DBNDD1: variants seen among roughly 807,000 people sequenced by gnomAD.
The protein encoded by DBNDD1 is dysbindin domain-containing protein 1.
A neutral mutation model predicts 17.0 loss-of-function variants in DBNDD1; 14 were observed. The ratio of observed to expected loss-of-function variants is 0.82; its 90% CI spans 0.54 to 1.29. DBNDD1 has a LOEUF of 1.29. DBNDD1 is among the 50% of genes most tolerant of loss of function. DBNDD1 has a pLI of 0.00. For missense variants in DBNDD1, 221 were observed against 216.2 expected, an observed-to-expected ratio of 1.02 and a Z score of -0.14; for synonymous variants, 105 against 102.0, an observed-to-expected ratio of 1.03 and a Z score of -0.18.
At chr16:90,010,354 C>A in intron 1 of DBNDD1, 5 of 169,102 alleles carry the variant, frequency 3.0e-5, no homozygotes, top group East Asian at 1.7e-4. Flanking sequence ...TTTTTTTTCA[C>A]AAACGTAACT....
In DBNDD1 at chr16:90,019,266, G is replaced by A. The variant is rs2035720739; in HGVS notation, c.31+45C>T. 9.0e-7 allele frequency: 1 copy of A among 1,115,420 alleles called. No individual in the cohort carries two copies. Among genetic ancestry groups the A allele is most frequent in the Non-Finnish European group, 1.1e-6 (1 of 884,766 alleles). The allele number at this position is 1,115,420 out of a possible 1,614,324, so 69.1% of individuals were successfully genotyped here. On this transcript the variant is annotated intron_variant, in intron 1 of 3. Coordinates refer to ENST00000002501, the MANE Select transcript of DBNDD1 (RefSeq NM_001042610.3). This position sits in a 1 kb window ranked among gnomAD's most constrained non-coding sequence, Gnocchi z 6.1. ...GGGGGGAGGGGCTGCGGCTCGCTGC[G>A]GGGAAGCGCTGCGCGGGGGTCTCGG... is the stretch of plus-strand genomic sequence containing the variant.
chr16:90,010,002 A>C (rs774676455), intron 1 of DBNDD1: 1 of 1,614,218 alleles, frequency 6.2e-7, no homozygotes, highest in Admixed American at 1.7e-5. Context: ...CTTAGCCACC[A>C]ACCATGCCTC....
In DBNDD1 at chr16:90,009,291, C is replaced by T; in HGVS notation, c.171G>A (p.Glu57=). The change falls in exon 2 of 4, where the codon GAG becomes GAA. Residue 57 remains glutamate (E), a synonymous_variant. Coordinates refer to ENST00000002501, the MANE Select transcript of DBNDD1 (RefSeq NM_001042610.3). The part of the protein sequence containing the change: ...VPAPGLLQVT[E]RRQPLSSVSS... ...GCAGGGAGCAGTACTTACGCCTCCTCTCCGTGACCTGCAGGAGCCCCGGTG... is the reference window on the plus strand; with the variant it reads ...GCAGGGAGCAGTACTTACGCCTCCTTTCCGTGACCTGCAGGAGCCCCGGTG... 2 of 1,613,402 alleles carry T rather than the reference C, an allele frequency of 1.2e-6. No individual in the cohort carries two copies. The highest frequency in any genetic ancestry group is 4.5e-5 in the East Asian group (2 of 44,884).
intron 1 of DBNDD1, among the ~76,000 whole-genome samples, chr16:90,018,791 C>A (rs2035700302): frequency 6.6e-6 from 1 of 152,318 alleles, no homozygotes; most frequent in Admixed American, 6.5e-5. Flanking sequence ...CCCCGGCAGG[C>A]CGCGCCCGTG....
rs750832259 is a variant in DBNDD1, at chr16:90,006,501, A to G, written c.320-9T>C. 11 of 1,594,774 alleles carry G rather than the reference A, an allele frequency of 6.9e-6. No individual in the cohort carries two copies. Among genetic ancestry groups the G allele is most frequent in the Non-Finnish European group, 9.3e-6 (11 of 1,177,550 alleles). On this transcript the variant is annotated splice_polypyrimidine_tract_variant and intron_variant, in intron 3 of 3. Coordinates refer to ENST00000002501, the MANE Select transcript of DBNDD1 (RefSeq NM_001042610.3). ...GGGCAGCGGGTGCAGACCTAGGGGC[A>G]TGCGGGAAGGGGAACTCGGTGTGGC...
In DBNDD1 at chr16:90,008,910, C is replaced by A; in HGVS notation, c.193G>T (p.Val65Phe). ...TCGAAGTGGACCTCCAGAGAGGAGA[C>A]GCTGCTCAGAGGCTCTGAGGGCAGA... is the stretch of plus-strand genomic sequence containing the variant. ...VTERRQPLSS[V>F]SSLEVHFDLL... The change falls in exon 3 of 4, where the codon GTC becomes TTC. Residue 65 changes from valine (V) to phenylalanine (F), a missense_variant. Physicochemically the swap from Val to Phe is conservative, Grantham distance 50 (BLOSUM62 -1). Coordinates refer to ENST00000002501, the MANE Select transcript of DBNDD1 (RefSeq NM_001042610.3). 1 of 1,571,174 alleles carries A rather than the reference C, an allele frequency of 6.4e-7. No individual in the cohort carries two copies. The highest frequency in any genetic ancestry group is 1.1e-5 in the South Asian group (1 of 87,116).
At chr16:90,017,592 G>A (rs1259717879) in intron 1 of DBNDD1, among the ~76,000 whole-genome samples, 1 of 152,260 alleles carries the variant, frequency 6.6e-6, no homozygotes, top group Admixed American at 6.5e-5. Context: ...AAGGGAGGTT[G>A]GTGGTAGTCT....
intron 1 of DBNDD1, among the ~76,000 whole-genome samples, chr16:90,015,250 C>T (rs529992873): frequency 6.6e-5 from 10 of 152,172 alleles, no homozygotes; most frequent in South Asian, 6.2e-4. Context: ...CATCAGGACA[C>T]GAATTTTTTG....
At chr16:90,009,863 G>T in intron 1 of DBNDD1, 1 of 1,226,108 alleles carries the variant, frequency 8.2e-7, no homozygotes, top group Non-Finnish European at 1.2e-6. Context: ...AACCAGAACA[G>T]CCCCTCTCCA....
At chr16:90,009,045 C>T in intron 2 of DBNDD1, 121 bp from the exon 3 acceptor site, 1 of 1,342,702 alleles carries the variant, frequency 7.4e-7, no homozygotes, top group Non-Finnish European at 9.9e-7. Flanking sequence ...CCACAGCTTC[C>T]TGCAAAGCCC....
At chr16:90,006,630 C>T in intron 3 of DBNDD1, 138 bp from the exon 4 acceptor site, 1 of 1,139,636 alleles carries the variant, frequency 8.8e-7, no homozygotes, top group Non-Finnish European at 1.2e-6. Context: ...ATGCACACAT[C>T]TACCTCTAAC....
chr16:90,006,090 G>T lies in DBNDD1; in HGVS notation c.*245C>A. The T allele has an allele frequency of 2.0e-6, 1 of 506,078 alleles. No individual in the cohort carries two copies. Among genetic ancestry groups the T allele is most frequent in the Admixed American group, 3.2e-5 (1 of 31,698 alleles). 31.3% of individuals were successfully genotyped at this position (506,078 alleles called of 1,614,324 possible). A position where few individuals can be genotyped will look rare whatever the true frequency, so the allele number is the denominator to read the frequency against. On this transcript the variant is annotated 3_prime_UTR_variant, in exon 4 of 4. Coordinates refer to ENST00000002501, the MANE Select transcript of DBNDD1 (RefSeq NM_001042610.3). The stretch of plus-strand genomic sequence containing the variant: ...GGCTGTGCTTGTGCTGGGGCTCCCA[G>T]AGGCATCCGGGGGCCCCGTGTGTCC...
chr16:90,019,551 C>T (rs934386232), upstream of DBNDD1: 16 of 163,392 alleles, frequency 9.8e-5, no homozygotes, highest in Non-Finnish European at 2.1e-4. This position sits in a 1 kb window ranked among gnomAD's most constrained non-coding sequence, Gnocchi z 6.1. Flanking sequence ...GCCCCCCCAG[C>T]CGCAGGACAG....
chr16:90,010,246 A>G (rs1444101105), intron 1 of DBNDD1: 2 of 497,860 alleles, frequency 4.0e-6, no homozygotes, highest in East Asian at 3.9e-5. Context: ...GGGTTTCACC[A>G]TGTTGGCCAG....
chr16:90,009,738 C>G, intron 1 of DBNDD1: 1 of 632,772 alleles, frequency 1.6e-6, no homozygotes, highest in East Asian at 2.8e-5. Flanking sequence ...GAAGTCCCAC[C>G]AGGGCCCGCG....
chr16:90,017,899 G>A (rs867139088), intron 1 of DBNDD1, among the ~76,000 whole-genome samples: 1 of 152,240 alleles, frequency 6.6e-6, no homozygotes. Flanking sequence ...CCTGTGCACT[G>A]ATTGAGTCAG....
intron 1 of DBNDD1, among the ~76,000 whole-genome samples, chr16:90,013,691 C>T (rs1309655517): frequency 2.0e-5 from 3 of 152,172 alleles, no homozygotes; most frequent in African/African-American, 7.2e-5. Context: ...GGGCGGGGCC[C>T]CTCATCTAGA....
intron 1 of DBNDD1, among the ~76,000 whole-genome samples, chr16:90,014,057 A>G (rs1318571404): frequency 6.6e-6 from 1 of 151,972 alleles, no homozygotes; most frequent in African/African-American, 2.4e-5. Flanking sequence ...TATACTGAGT[A>G]AGCTGAGAGA....
chr16:90,006,607 C>A (rs894253637), intron 3 of DBNDD1, 115 bp from the exon 4 acceptor site: 5 of 1,344,588 alleles, frequency 3.7e-6, no homozygotes, highest in Non-Finnish European at 5.0e-6. Context: ...TGCACCAGCC[C>A]CCTGCACCAG....
Sources: allele counts gnomAD v4.1 joint callset (sites outside exome capture counted in the v4.1 genomes callset), GRCh38; gene constraint gnomAD v4.1.1; non-coding constraint Gnocchi (gnomAD v3.1); transcripts MANE v1.5; gene names NCBI Gene and HGNC (gene_info 2026-07-23, HGNC 2026-07-21).